The following ANK3 variants were observed in gnomAD, a reference collection of about 807,000 sequenced individuals.
The protein encoded by ANK3 is ankyrin-3.
In ANK3, 57 loss-of-function variants were observed where a neutral mutation model predicts 370.9. That is an observed-to-expected ratio of 0.15 (90% CI 0.12 to 0.19). ANK3 has a LOEUF of 0.19. Ranked by LOEUF, ANK3 falls within the 10% of genes least tolerant of loss-of-function variation. ANK3 has a pLI of 1.00. For missense variants in ANK3, 4,439 were observed against 5,302.1 expected (o/e 0.84, Z 5.06); for synonymous variants, 1,929 against 1,946.3 (o/e 0.99, Z 0.23).
chr10:60,526,691 A>C (rs1490948451), intron 2 of ANK3, among the ~76,000 whole-genome samples: 1 of 152,180 alleles, frequency 6.6e-6, no homozygotes, highest in Non-Finnish European at 1.5e-5. Context: ...CCAGAAAATT[A>C]TGTCAATGCA....
intron 1 of ANK3, among the ~76,000 whole-genome samples, chr10:60,302,164 A>C (rs1390873822): frequency 6.6e-6 from 1 of 152,240 alleles, no homozygotes; most frequent in East Asian, 1.9e-4. Flanking sequence ...AACCATAAAC[A>C]TAATAAATAA....
At position 60,070,303 on chromosome 10, in the gene ANK3, T is replaced by C. The variant is rs1027349521; in HGVS notation, c.10578A>G (p.Glu3526=). The change falls in exon 37 of 44, where the codon GAA becomes GAG. Residue 3526 remains glutamate (E), a synonymous_variant. Transcript: ENST00000280772. The surrounding 1 kb of genome is among the most constrained non-coding windows in gnomAD (Gnocchi z 5.7). ...CTGTTTTAAAAGGAGTGGCAAATTC[T>C]TCATCTACTTTGTAACTGAAGTAAG... ...PDTYFSYKVD[E]EFATPFKTVA... is the part of the protein sequence containing the mutation. 3 of 1,614,052 alleles carry C rather than the reference T, an allele frequency of 1.9e-6. No individual in the cohort carries two copies. Among genetic ancestry groups the C allele is most frequent in the Admixed American group, 1.7e-5 (1 of 59,994 alleles).
At chr10:60,299,529 T>A (rs756402377) in intron 1 of ANK3, among the ~76,000 whole-genome samples, 2 of 152,208 alleles carry the variant, frequency 1.3e-5, no homozygotes, top group Non-Finnish European at 2.9e-5. Context: ...ACACTGATGT[T>A]AACTGTGTAA....
chr10:60,507,134 G>T (rs910835084), intron 2 of ANK3, among the ~76,000 whole-genome samples: 6 of 151,794 alleles, frequency 4.0e-5, no homozygotes, highest in African/African-American at 1.2e-4. Context: ...ACATCACATC[G>T]TGCCTTCTAA....
intron 2 of ANK3, among the ~76,000 whole-genome samples, chr10:60,459,804 C>T (rs947846700): frequency 6.6e-6 from 1 of 152,142 alleles, no homozygotes; most frequent in Non-Finnish European, 1.5e-5. Flanking sequence ...TAGGAACTTA[C>T]ACACACTCTC....
At chr10:60,283,188 A>T (rs1436348731) in intron 1 of ANK3, among the ~76,000 whole-genome samples, 1 of 152,138 alleles carries the variant, frequency 6.6e-6, no homozygotes, top group Non-Finnish European at 1.5e-5. Context: ...TTTCCCACCA[A>T]TTTTGCCCAT....
chr10:60,132,463 C>A (rs2094132265), intron 25 of ANK3, among the ~76,000 whole-genome samples: 4 of 148,440 alleles, frequency 2.7e-5, no homozygotes. Context: ...TTGCCTGCCA[C>A]CATGTAAGAT....
At chr10:60,652,313 G>C (rs548003353) in intron 1 of ANK3, among the ~76,000 whole-genome samples, 1 of 151,942 alleles carries the variant, frequency 6.6e-6, no homozygotes, top group Non-Finnish European at 1.5e-5. Context: ...GAGCTAGGAC[G>C]ATCACTTAAG....
At chr10:60,581,832 C>A (rs78107153) in intron 2 of ANK3, among the ~76,000 whole-genome samples, 1 of 152,198 alleles carries the variant, frequency 6.6e-6, no homozygotes, top group African/African-American at 2.4e-5. Context: ...GAAAAGGCTG[C>A]AGCTTACTAT....
At chr10:60,613,502 A>G (rs1209859345) in intron 2 of ANK3, among the ~76,000 whole-genome samples, 1 of 152,242 alleles carries the variant, frequency 6.6e-6, no homozygotes, top group Non-Finnish European at 1.5e-5. Flanking sequence ...ATAAAAATGG[A>G]AAAATACTTT....
At chr10:60,154,504 G>T (rs965545819) in intron 23 of ANK3, among the ~76,000 whole-genome samples, 1 of 152,104 alleles carries the variant, frequency 6.6e-6, no homozygotes, top group Non-Finnish European at 1.5e-5. Context: ...GTCAAAATCT[G>T]TTTATTCCAC....
chr10:60,471,816 T>C (rs894173189), intron 2 of ANK3, among the ~76,000 whole-genome samples: 12 of 151,962 alleles, frequency 7.9e-5, no homozygotes, highest in Non-Finnish European at 2.9e-5. Context: ...AAAACATACA[T>C]GCATCAAAGG....
chr10:60,186,954 T>C, intron 16 of ANK3, 42 bp from the exon 17 acceptor site: 2 of 1,575,418 alleles, frequency 1.3e-6, no homozygotes, highest in Non-Finnish European at 1.7e-6. Context: ...AGGAACAAGA[T>C]AAAAATGTGC....
chr10:60,172,402 T>A lies in ANK3; in HGVS notation c.2384A>T (p.Asn795Ile). ...NNASPNELTV[N>I]GNTALGIARR... is the part of the protein sequence containing the mutation. ...GGCAATGCCAAGGGCAGTATTCCCA[T>A]TCTGGCAAAAGGAAAATGTGAGTGA... Residue 795 changes from asparagine (N) to isoleucine (I), a missense_variant and splice_region_variant, in exon 21 of 44, where the codon AAT becomes ATT. Physicochemically the swap from Asn to Ile is moderately radical, Grantham distance 149. Coordinates refer to ENST00000280772, the MANE Select transcript of ANK3 (RefSeq NM_020987.5). The A allele has an allele frequency of 6.2e-7, 1 of 1,613,716 alleles. No individual in the cohort carries two copies. Among genetic ancestry groups the A allele is most frequent in the East Asian group, 2.2e-5 (1 of 44,856 alleles).
At chr10:60,466,645 G>A (rs1232652859) in intron 2 of ANK3, among the ~76,000 whole-genome samples, 2 of 151,994 alleles carry the variant, frequency 1.3e-5, no homozygotes, top group South Asian at 2.1e-4. Flanking sequence ...TATTCATGGC[G>A]GGCAAAAAGT....
At chr10:60,503,854 A>T (rs971145244) in intron 2 of ANK3, among the ~76,000 whole-genome samples, 3 of 152,166 alleles carry the variant, frequency 2.0e-5, no homozygotes, top group Admixed American at 2.0e-4. Flanking sequence ...GTGCCTACTG[A>T]GATCATCATC....
chr10:60,170,734 G>A (rs2095763433), intron 21 of ANK3, among the ~76,000 whole-genome samples: 1 of 152,006 alleles, frequency 6.6e-6, no homozygotes, highest in South Asian at 2.1e-4. Flanking sequence ...ACCTGATGGA[G>A]CTCTGAGACC....
intron 23 of ANK3, chr10:60,140,643 T>A: frequency 7.3e-7 from 1 of 1,374,332 alleles, no homozygotes. Context: ...GTTAAGATCC[T>A]TTTGACCACT....
At chr10:60,294,974 G>A (rs532134394) in intron 1 of ANK3, among the ~76,000 whole-genome samples, 2 of 152,234 alleles carry the variant, frequency 1.3e-5, no homozygotes, top group East Asian at 3.9e-4. Context: ...AGGAAGAGTG[G>A]ACTTTACCCC....
Sources: gnomAD v4.1 joint callset for allele counts (sites outside exome capture counted in the v4.1 genomes callset) on GRCh38, gnomAD v4.1.1 for gene constraint, Gnocchi (gnomAD v3.1) non-coding constraint, MANE v1.5 for transcripts, NCBI Gene and HGNC (gene_info 2026-07-23, HGNC 2026-07-21) for gene names.